WTIP: variants seen among roughly 807,000 people sequenced by gnomAD.
WTIP encodes WT1 interacting protein.
A neutral mutation model predicts 41.7 loss-of-function variants in WTIP; 23 were observed. The ratio of observed to expected loss-of-function variants is 0.55; its 90% CI spans 0.40 to 0.78. The LOEUF (loss-of-function observed/expected upper bound fraction) is 0.78, where lower values mean the gene tolerates loss of function less well. Among genes scored for constraint, WTIP ranks in the 30% least tolerant of loss-of-function variants. The pLI is 0.00. For missense variants in WTIP, 619 were observed against 610.5 expected (o/e 1.01, Z -0.15); for synonymous variants, 314 against 269.9 (o/e 1.16, Z -1.60).
chr19:34,500,385 C>A lies in WTIP; in HGVS notation c.*116C>A. On this transcript the variant is annotated 3_prime_UTR_variant, in exon 8 of 8. Transcript: ENST00000590071. Reference sequence around the variant, plus strand: ...CTCCAATCAGTTTCCCACCGAGCTGCTGTCTGCAGGGGCCGGACCCCCGCG... The same window carrying A: ...CTCCAATCAGTTTCCCACCGAGCTGATGTCTGCAGGGGCCGGACCCCCGCG... 1 of 1,349,514 alleles carries A rather than the reference C, an allele frequency of 7.4e-7. No individual in the cohort carries two copies. The highest frequency in any genetic ancestry group is 9.8e-7 in the Non-Finnish European group (1 of 1,025,430). The allele number at this position is 1,349,514 out of a possible 1,614,324, so 83.6% of individuals were successfully genotyped here.
rs572543239 is a variant in WTIP at position 34,495,591 on chromosome 19, C to T, written c.1084-112C>T. The T allele has an allele frequency of 1.6e-3, 1,905 of 1,196,930 alleles. 4 individuals carry two copies. Among genetic ancestry groups the T allele is most frequent in the Non-Finnish European group, 1.8e-3 (1,523 of 836,498 alleles). 74.1% of individuals were successfully genotyped at this position (1,196,930 alleles called of 1,614,324 possible). A position where few individuals can be genotyped will look rare whatever the true frequency, so the allele number is the denominator to read the frequency against. On this transcript the variant is annotated intron_variant, in intron 6 of 7. Coordinates refer to ENST00000590071, the MANE Select transcript of WTIP (RefSeq NM_001080436.2). ...AGCAGCGTGGCAGTGCTCCCCGGGG[C>T]GGGCGTGCACCTCCGCCGGGACAGG...
In WTIP at chr19:34,493,525, G is replaced by A; in HGVS notation, c.934G>A (p.Gly312Ser). ...LQALGKSYHP[G>S]CFRCSVCNEC... ...GGCCCTGGGCAAGTCCTACCACCCA[G>A]GCTGCTTCCGGTGCTCCGTGTGCAA... Residue 312 changes from glycine (G) to serine (S), a missense_variant, in exon 5 of 8, where the codon GGC becomes AGC. Transcript: ENST00000590071. The surrounding 1 kb of genome is among the most constrained non-coding windows in gnomAD (Gnocchi z 4.1). The A allele has an allele frequency of 6.2e-7, 1 of 1,613,688 alleles. No individual in the cohort carries two copies. Among genetic ancestry groups the A allele is most frequent in the Non-Finnish European group, 8.5e-7 (1 of 1,179,874 alleles).
chr19:34,489,663 T>C (rs1336869009), intron 1 of WTIP, among the ~76,000 whole-genome samples: 1 of 152,204 alleles, frequency 6.6e-6, no homozygotes, highest in Non-Finnish European at 1.5e-5. Context: ...CATGATAGGC[T>C]GGGTGTGGTG....
intron 1 of WTIP, among the ~76,000 whole-genome samples, chr19:34,489,687 A>T (rs549442074): frequency 1.1e-3 from 172 of 152,362 alleles, no homozygotes; most frequent in Non-Finnish European, 2.1e-3. Flanking sequence ...CCACGCCTGT[A>T]ATTGCAGCAC....
At position 34,508,927 on chromosome 19, in the gene WTIP, A is replaced by C. The variant is rs1279567293; in HGVS notation, c.*8658A>C. 6.6e-6 allele frequency: 1 copy of C among 152,280 alleles called. No individual in the cohort carries two copies. The highest frequency in any genetic ancestry group is 1.5e-5 in the Non-Finnish European group (1 of 68,046). 9.4% of individuals were successfully genotyped at this position (152,280 alleles called of 1,614,324 possible). ...TCCCACATGAAAATTTTCTTCTACAACACGACATACGTTCATTGTGGTACA... is the reference window on the plus strand; with the variant it reads ...TCCCACATGAAAATTTTCTTCTACACCACGACATACGTTCATTGTGGTACA... On this transcript the variant is annotated 3_prime_UTR_variant, in exon 8 of 8. Transcript: ENST00000590071.
chr19:34,483,154 A>C (rs1400183200), intron 1 of WTIP, among the ~76,000 whole-genome samples: 49 of 141,736 alleles, frequency 3.5e-4, no homozygotes, highest in African/African-American at 1.2e-3. Flanking sequence ...ACAGGTGCAC[A>C]CCACCATGCC....
chr19:34,484,934 T>A (rs997788738), intron 1 of WTIP, among the ~76,000 whole-genome samples: 4 of 126,666 alleles, frequency 3.2e-5, no homozygotes, highest in African/African-American at 1.2e-4. Flanking sequence ...TGTCTTTTCT[T>A]TAAAAAAAAA....
chr19:34,490,191 G>A (rs1044035395), intron 1 of WTIP, among the ~76,000 whole-genome samples, 185 bp from the exon 2 acceptor site: 1 of 152,166 alleles, frequency 6.6e-6, no homozygotes, highest in Non-Finnish European at 1.5e-5. Context: ...CAGCAGCAGC[G>A]GCAATCCCTG....
In WTIP at chr19:34,495,737, A is replaced by C; in HGVS notation, c.1118A>C (p.Asp373Ala). 1.9e-6 allele frequency: 3 copies of C among 1,613,902 alleles called. No homozygotes were observed. The highest frequency in any genetic ancestry group is 2.5e-6 in the Non-Finnish European group (3 of 1,179,974). Residue 373 changes from aspartate to alanine, a missense_variant, in exon 7 of 8, where the codon GAC (aspartate) becomes GCC (alanine). Transcript: ENST00000590071. ...ACAACCATCCGTGTGGTGTCCATGG[A>C]CAGAGACTACCACGTGGCATGTTAC... is the stretch of plus-strand genomic sequence containing the variant. ...CETTIRVVSM[D>A]RDYHVACYHC... is the part of the protein sequence containing the mutation.
chr19:34,482,084 C>T lies in WTIP; in HGVS notation c.110C>T (p.Pro37Leu). 9.6e-7 allele frequency: 1 copy of T among 1,037,832 alleles called. No individual in the cohort carries two copies. The highest frequency in any genetic ancestry group is 1.2e-6 in the Non-Finnish European group (1 of 865,346). 64.3% of individuals were successfully genotyped at this position (1,037,832 alleles called of 1,614,324 possible). ...CGSPGRGRRG[P>L]RPGPGDEAAP... ...TCTCCCGGTCGGGGGCGGCGGGGGC[C>T]GCGGCCTGGGCCTGGAGACGAGGCG... Residue 37 changes from proline to leucine, a missense_variant, in exon 1 of 8, where the codon CCG becomes CTG. Coordinates refer to ENST00000590071, the MANE Select transcript of WTIP (RefSeq NM_001080436.2).
rs1158026140 is a variant in WTIP at position 34,493,647 on chromosome 19, G to C, written c.1031+25G>C. On this transcript the variant is annotated intron_variant, in intron 5 of 7. Coordinates refer to ENST00000590071, the MANE Select transcript of WTIP (RefSeq NM_001080436.2). The surrounding 1 kb of genome is among the most constrained non-coding windows in gnomAD (Gnocchi z 4.1). The stretch of plus-strand genomic sequence containing the variant: ...CGTGAGTTGCTGGTGCTGTGGAGCA[G>C]GCGGGACTCGGGCCGTCCTCCCTGG... The C allele has an allele frequency of 1.9e-6, 3 of 1,612,166 alleles. No homozygotes were observed. The highest frequency in any genetic ancestry group is 2.5e-6 in the Non-Finnish European group (3 of 1,179,418).
At chr19:34,482,763 T>C (rs2075775687) in intron 1 of WTIP, 122 bp downstream of exon 1, 2 of 1,199,802 alleles carry the variant, frequency 1.7e-6, no homozygotes, top group Non-Finnish European at 2.1e-6. Context: ...GGTGCAGCAG[T>C]GCACGGGGTT....
At position 34,508,147 on chromosome 19, in the gene WTIP, C is replaced by G. The variant is rs902227435; in HGVS notation, c.*7878C>G. ...GGAGTTCAGTGGCAGGATTTCAGCT[C>G]AGTACAGCCTCGGCCTCCCGGGTTC... On this transcript the variant is annotated 3_prime_UTR_variant, in exon 8 of 8. Transcript: ENST00000590071. The G allele has an allele frequency of 6.6e-6, 1 of 152,132 alleles. No individual in the cohort carries two copies. Among genetic ancestry groups the G allele is most frequent in the Admixed American group, 6.6e-5 (1 of 15,264 alleles). 9.4% of individuals were successfully genotyped at this position (152,132 alleles called of 1,614,324 possible).
At chr19:34,496,856 C>G (rs966196396) in intron 7 of WTIP, among the ~76,000 whole-genome samples, 3 of 150,536 alleles carry the variant, frequency 2.0e-5, no homozygotes, top group African/African-American at 4.9e-5. Context: ...GTGTGGCGCT[C>G]TCTTCTCTGA....
chr19:34,481,792 C>T lies in WTIP; in HGVS notation c.-183C>T, dbSNP rs1459349695. On this transcript the variant is annotated 5_prime_UTR_variant, in exon 1 of 8. Transcript: ENST00000590071. ...GCCGCGCGCGCCGCCGAGCAGGGCG[C>T]CGCGTCCCCCGGCCCGCGCGTGGCC... 3 of 166,518 alleles carry T rather than the reference C, an allele frequency of 1.8e-5. No homozygotes were observed. Among genetic ancestry groups the T allele is most frequent in the African/African-American group, 2.4e-5 (1 of 41,132 alleles). The allele number at this position is 166,518 out of a possible 1,614,324, so 10.3% of individuals were successfully genotyped here.
chr19:34,491,736 C>T (rs1332694621), intron 2 of WTIP, among the ~76,000 whole-genome samples: 3 of 151,982 alleles, frequency 2.0e-5, no homozygotes, highest in Non-Finnish European at 4.4e-5. Context: ...CCTCCGTGTC[C>T]CAGTTTCAAG....
chr19:34,484,435 A>G (rs1289562198), intron 1 of WTIP, among the ~76,000 whole-genome samples: 1 of 151,962 alleles, frequency 6.6e-6, no homozygotes, highest in Non-Finnish European at 1.5e-5. Flanking sequence ...AGCGCCTCCC[A>G]TCTGTGAGGT....
Position 34,482,323 on chromosome 19 carries a change from C to T in WTIP, c.349C>T (p.Arg117Cys), listed in dbSNP as rs930945749. 1.4e-6 allele frequency: 2 copies of T among 1,383,232 alleles called. No individual in the cohort carries two copies. The highest frequency in any genetic ancestry group is 2.7e-5 in the Admixed American group (1 of 36,498). 85.7% of individuals were successfully genotyped at this position (1,383,232 alleles called of 1,614,324 possible). A position where few individuals can be genotyped will look rare whatever the true frequency, so the allele number is the denominator to read the frequency against. The change falls in exon 1 of 8, where the codon CGC becomes TGC. Residue 117 changes from arginine to cysteine, a missense_variant. This residue lies in a region of WTIP where 363 missense variants were observed against 309.0 expected (regional missense o/e 1.17). Transcript: ENST00000590071. ...CGGCATCAGCCTGGGCTACGACCAGCGCCACGGCAGCCCGCGCTCCGGTCG... is the reference window on the plus strand; with the variant it reads ...CGGCATCAGCCTGGGCTACGACCAGTGCCACGGCAGCCCGCGCTCCGGTCG... Reference protein sequence around the residue: ...SSGISLGYDQRHGSPRSGRSD... With the variant: ...SSGISLGYDQCHGSPRSGRSD...
intron 2 of WTIP, among the ~76,000 whole-genome samples, chr19:34,491,427 G>A (rs898623338): frequency 2.0e-5 from 3 of 151,912 alleles, no homozygotes; most frequent in African/African-American, 4.8e-5. Context: ...TGGTTCAAGC[G>A]ATTCTTCTGC....
Sources: allele counts gnomAD v4.1 joint callset (sites outside exome capture counted in the v4.1 genomes callset), GRCh38; gene constraint gnomAD v4.1.1; regional missense constraint gnomAD v4.1.1; non-coding constraint Gnocchi (gnomAD v3.1); transcripts MANE v1.5; gene names NCBI Gene and HGNC (gene_info 2026-07-23, HGNC 2026-07-21).